The following ZC3H11A variants were observed in gnomAD, a reference collection of about 807,000 sequenced individuals.
ZC3H11A encodes the protein zinc finger CCCH domain-containing protein 11A.
ZC3H11A carries 22 observed loss-of-function variants against 90.8 expected under a neutral mutation model. The observed-to-expected ratio is 0.24, with a 90% CI of 0.17 to 0.35. The LOEUF (loss-of-function observed/expected upper bound fraction) is 0.35, where lower values mean the gene tolerates loss of function less well. Among genes scored for constraint, ZC3H11A ranks in the 10% least tolerant of loss-of-function variants. The pLI is 1.00. For synonymous variants in ZC3H11A, 294 were observed against 339.8 expected (o/e 0.87, Z 1.48); for missense variants, 701 against 964.9 (o/e 0.73, Z 3.62).
At chr1:203,827,787 A>T (rs904244449) in intron 4 of ZC3H11A, among the ~76,000 whole-genome samples, 24 of 152,272 alleles carry the variant, frequency 1.6e-4, no homozygotes, top group Middle Eastern at 3.4e-3. Flanking sequence ...GAATTTTCTC[A>T]AACCCTTGAA....
intron 12 of ZC3H11A, 151 bp from the exon 13 acceptor site, chr1:203,847,033 A>G: frequency 1.1e-6 from 1 of 875,074 alleles, no homozygotes; most frequent in South Asian, 1.8e-5. Flanking sequence ...AAAAAAAGGA[A>G]AAGAAATAAA....
intron 2 of ZC3H11A, 121 bp from the exon 3 acceptor site, chr1:203,816,805 C>T (rs1052695028): frequency 5.5e-6 from 2 of 360,932 alleles, no homozygotes; most frequent in African/African-American, 2.1e-5. Context: ...TTACAAGGCT[C>T]TGTATAAGCA....
At chr1:203,812,034 C>G (rs957489645) in intron 2 of ZC3H11A, among the ~76,000 whole-genome samples, 1 of 152,000 alleles carries the variant, frequency 6.6e-6, no homozygotes, top group Non-Finnish European at 1.5e-5. Flanking sequence ...CCAGGCTGGT[C>G]TTGAACTACT....
chr1:203,850,690 T>C lies in ZC3H11A; in HGVS notation c.2106+9T>C, dbSNP rs762268886. On this transcript the variant is annotated intron_variant, in intron 16 of 17. Coordinates refer to ENST00000367210, the MANE Select transcript of ZC3H11A (RefSeq NM_001376342.1). ...CCAAAAAGGCAGCTGTGGTAAGAAG[T>C]ATATTCACTTTGTGGTGCTTTATTC... 25 of 1,612,366 alleles carry C rather than the reference T, an allele frequency of 1.6e-5. No homozygotes were observed. The highest frequency in any genetic ancestry group is 1.6e-4 in the Middle Eastern group (1 of 6,084).
At chr1:203,832,981 C>G (rs184123350) in intron 9 of ZC3H11A, among the ~76,000 whole-genome samples, 5 of 152,288 alleles carry the variant, frequency 3.3e-5, no homozygotes, top group Non-Finnish European at 7.4e-5. Context: ...CATGTATAAT[C>G]CCAGCACTTT....
At chr1:203,831,493 AC>A (rs1682349323) in intron 8 of ZC3H11A, among the ~76,000 whole-genome samples, 167 bp from the exon 9 acceptor site, 1 of 152,166 alleles carries the variant, frequency 6.6e-6, no homozygotes, top group African/African-American at 2.4e-5. Flanking sequence ...GGCTCCCCTC[AC>A]CACTACTCCA....
At chr1:203,837,666 C>G (rs1437007836) in intron 10 of ZC3H11A, among the ~76,000 whole-genome samples, 1 of 151,998 alleles carries the variant, frequency 6.6e-6, no homozygotes, top group East Asian at 1.9e-4. Context: ...GTTTTAGAGA[C>G]AAGGTCTTGC....
chr1:203,847,454 G>A lies in ZC3H11A; in HGVS notation c.1313G>A (p.Ser438Asn). The A allele has an allele frequency of 1.2e-6, 2 of 1,613,968 alleles. No homozygotes were observed. The highest frequency in any genetic ancestry group is 2.2e-5 in the South Asian group (2 of 91,082). The change falls in exon 13 of 18, where the codon AGT becomes AAT. Residue 438 changes from serine (S) to asparagine (N), a missense_variant. Transcript: ENST00000367210. ...ACTTGCATCAAGCTAAAGATTGATA[G>A]TGAAATTAAAAAAACAGTAGTTTTG... ...DTTCIKLKID[S>N]EIKKTVVLPP...
chr1:203,812,511 T>C (rs1174834855), intron 2 of ZC3H11A, among the ~76,000 whole-genome samples: 1 of 152,296 alleles, frequency 6.6e-6, no homozygotes, highest in South Asian at 2.1e-4. Context: ...TTCAGACTTC[T>C]GTCTTGTTGC....
In ZC3H11A at chr1:203,852,511, A is replaced by T. The variant is rs559402046; in HGVS notation, c.*112A>T. The T allele has an allele frequency of 2.6e-5, 31 of 1,207,038 alleles. No individual in the cohort carries two copies. Among genetic ancestry groups the T allele is most frequent in the Middle Eastern group, 2.1e-4 (1 of 4,798 alleles). 74.8% of individuals were successfully genotyped at this position (1,207,038 alleles called of 1,614,324 possible). A position where few individuals can be genotyped will look rare whatever the true frequency, so the allele number is the denominator to read the frequency against. ...TTTCTTTAGTCTAGAATTTGCCCCA[A>T]ATCAGAAGTATACCTCTGAATTATC... On this transcript the variant is annotated 3_prime_UTR_variant, in exon 18 of 18. Coordinates refer to ENST00000367210, the MANE Select transcript of ZC3H11A (RefSeq NM_001376342.1).
intron 12 of ZC3H11A, among the ~76,000 whole-genome samples, chr1:203,840,786 A>G (rs1218503456): frequency 1.3e-5 from 2 of 152,034 alleles, no homozygotes; most frequent in African/African-American, 2.4e-5. Flanking sequence ...GGCGTACGCC[A>G]CCATGCCTTG....
chr1:203,825,076 CAAAA>C (rs61108073), intron 4 of ZC3H11A, among the ~76,000 whole-genome samples: 1 of 108,986 alleles, frequency 9.2e-6, no homozygotes, highest in Non-Finnish European at 1.8e-5. Context: ...GACTCCGTCT[CAAAA>C]AAAAAAAAAA....
chr1:203,838,523 G>A (rs1164317874), intron 11 of ZC3H11A, among the ~76,000 whole-genome samples: 1 of 152,240 alleles, frequency 6.6e-6, no homozygotes, highest in Non-Finnish European at 1.5e-5. Flanking sequence ...AGAGCTAAGA[G>A]TGGTATGCTC....
At chr1:203,804,541 C>G (rs1238572503) in intron 2 of ZC3H11A, among the ~76,000 whole-genome samples, 1 of 152,018 alleles carries the variant, frequency 6.6e-6, no homozygotes, top group African/African-American at 2.4e-5. Context: ...ATGATTATTG[C>G]TGGTATGAAG....
chr1:203,806,580 GGCATGA>G (rs1203896350), intron 2 of ZC3H11A, among the ~76,000 whole-genome samples: 1 of 152,148 alleles, frequency 6.6e-6, no homozygotes, highest in Admixed American at 6.6e-5. Flanking sequence ...TGGGATTATA[GGCATGA>G]GCCACCGTGC....
rs1307021591 is a variant in ZC3H11A, at chr1:203,852,474, C to T, written c.*75C>T. 3 of 1,493,766 alleles carry T rather than the reference C, an allele frequency of 2.0e-6. No individual in the cohort carries two copies. The highest frequency in any genetic ancestry group is 1.8e-6 in the Non-Finnish European group (2 of 1,102,272). 92.5% of individuals were successfully genotyped at this position (1,493,766 alleles called of 1,614,324 possible). A position where few individuals can be genotyped will look rare whatever the true frequency, so the allele number is the denominator to read the frequency against. ...TAGTTTCATCTATTGTAACATTTAC[C>T]TGAGATGATCATTTCTTTAGTCTAG... On this transcript the variant is annotated 3_prime_UTR_variant, in exon 18 of 18. Coordinates refer to ENST00000367210, the MANE Select transcript of ZC3H11A (RefSeq NM_001376342.1).
intron 2 of ZC3H11A, among the ~76,000 whole-genome samples, chr1:203,813,270 GATCTC>G (rs1264843434): frequency 6.6e-6 from 1 of 151,584 alleles, no homozygotes; most frequent in Non-Finnish European, 1.5e-5. Flanking sequence ...GCAGTGGTGT[GATCTC>G]AGCTCACTGC....
intron 17 of ZC3H11A, 107 bp from the exon 18 acceptor site, chr1:203,852,034 T>G: frequency 7.0e-6 from 8 of 1,142,030 alleles, no homozygotes; most frequent in Non-Finnish European, 1.0e-5. Flanking sequence ...TTTCTTTATG[T>G]ATGTTCTTAA....
rs199840725 is a variant in ZC3H11A, at chr1:203,818,692, A to G, written c.174+3A>G. 304 of 1,614,076 alleles carry G rather than the reference A, an allele frequency of 1.9e-4. 1 individual carries two copies. In the African/African-American group the frequency reaches 3.6e-3, roughly 19 times the overall value. ...GGTTTCGGCACATGGAGATTGATGT[A>G]AGTTTTTTATTTCCGTTATCATAAT... On this transcript the variant is annotated splice_donor_region_variant and intron_variant, in intron 4 of 17. Transcript: ENST00000367210.
Sources: allele counts gnomAD v4.1 joint callset (sites outside exome capture counted in the v4.1 genomes callset), GRCh38; gene constraint gnomAD v4.1.1; transcripts MANE v1.5; gene names NCBI Gene and HGNC (gene_info 2026-07-23, HGNC 2026-07-21).